MYL9: variants seen among roughly 807,000 people sequenced by gnomAD.
MYL9 encodes the protein myosin regulatory light polypeptide 9.
In MYL9, 7 loss-of-function variants were observed where a neutral mutation model predicts 12.8. That is an observed-to-expected ratio of 0.55 (90% CI 0.31 to 1.03). The LOEUF (loss-of-function observed/expected upper bound fraction) is 1.03. Ranked by LOEUF, MYL9 falls within the 50% of genes least tolerant of loss-of-function variation. MYL9 has a pLI of 0.05. For synonymous variants in MYL9, 81 were observed against 87.8 expected (o/e 0.92, Z 0.43); for missense variants, 190 against 242.7 (o/e 0.78, Z 1.44).
At chr20:36,547,933 G>A (rs912642136) in intron 2 of MYL9, 99 bp from the exon 3 acceptor site, 65 of 1,358,216 alleles carry the variant, frequency 4.8e-5, no homozygotes, top group Middle Eastern at 2.6e-4. Context: ...CGTCTCACAC[G>A]GAGCGGTGAA....
intron 1 of MYL9, among the ~76,000 whole-genome samples, chr20:36,542,320 AG>A (rs5841236): frequency 6.6e-6 from 1 of 152,248 alleles, no homozygotes; most frequent in East Asian, 1.9e-4. Flanking sequence ...GCCCAGCTCC[AG>A]GGGCTGGAGG....
intron 3 of MYL9, 112 bp from the exon 4 acceptor site, chr20:36,548,965 A>G (rs1160801247): frequency 2.7e-6 from 3 of 1,111,306 alleles, no homozygotes; most frequent in Non-Finnish European, 3.8e-6. Flanking sequence ...CTAAGATTGT[A>G]TCTTCCCAGC....
At chr20:36,548,611 C>T (rs2038131759) in intron 3 of MYL9, among the ~76,000 whole-genome samples, 1 of 152,228 alleles carries the variant, frequency 6.6e-6, no homozygotes, top group South Asian at 2.1e-4. Context: ...GGCCTGACTA[C>T]CTTCACGGTC....
intron 3 of MYL9, among the ~76,000 whole-genome samples, chr20:36,548,618 G>A (rs921450633): frequency 3.3e-5 from 5 of 152,136 alleles, no homozygotes; most frequent in African/African-American, 1.2e-4. Context: ...CTACCTTCAC[G>A]GTCCCTCACT....
At chr20:36,547,787 C>T (rs1407378049) in intron 2 of MYL9, among the ~76,000 whole-genome samples, 1 of 152,224 alleles carries the variant, frequency 6.6e-6, no homozygotes, top group Non-Finnish European at 1.5e-5. Flanking sequence ...GTTCTTATTA[C>T]ACTTTAGTGA....
intron 2 of MYL9, among the ~76,000 whole-genome samples, chr20:36,546,493 G>A (rs2038101642): frequency 6.6e-6 from 1 of 152,176 alleles, no homozygotes; most frequent in African/African-American, 2.4e-5. Flanking sequence ...GCAAACCTGA[G>A]TGGGAGAACT....
intron 3 of MYL9, 142 bp downstream of exon 3, chr20:36,548,335 T>A: frequency 8.5e-7 from 1 of 1,179,672 alleles, no homozygotes; most frequent in Non-Finnish European, 1.1e-6. Flanking sequence ...GGCCACCTCC[T>A]TATTGTCGCC....
chr20:36,546,632 C>T (rs1006424013), intron 2 of MYL9, among the ~76,000 whole-genome samples: 3 of 151,806 alleles, frequency 2.0e-5, no homozygotes, highest in African/African-American at 4.8e-5. Flanking sequence ...TTTTTCCCCC[C>T]GAGACAAAAT....
At chr20:36,542,280 G>C (rs990005654) in intron 1 of MYL9, among the ~76,000 whole-genome samples, 4 of 152,192 alleles carry the variant, frequency 2.6e-5, no homozygotes, top group African/African-American at 9.7e-5. Context: ...AGACTCAGAT[G>C]AGGTGCACTG....
At chr20:36,548,308 C>A in intron 3 of MYL9, 115 bp downstream of exon 3, 1 of 1,370,476 alleles carries the variant, frequency 7.3e-7, no homozygotes, top group Non-Finnish European at 9.7e-7. Context: ...GTTCTGTCAC[C>A]AGAACTATAA....
In MYL9 at chr20:36,548,183, G is replaced by GGA; in HGVS notation, c.337_338dup (p.Ala114LysfsTer117). 1.9e-6 allele frequency: 3 copies of GGA among 1,611,016 alleles called. No individual in the cohort carries two copies. The highest frequency in any genetic ancestry group is 2.5e-6 in the Non-Finnish European group (3 of 1,177,984). On this transcript the variant is annotated frameshift_variant, in exon 3 of 4. Coordinates refer to ENST00000279022, the MANE Select transcript of MYL9 (RefSeq NM_006097.5). LOFTEE classifies it high-confidence loss of function. The stretch of plus-strand genomic sequence containing the variant: ...GCAACGCCTTTGCCTGCTTCGACGA[G>GGA]GAAGCCTCAGGTCCGTGGCGCCCCC...
In MYL9 at chr20:36,549,057, C is replaced by T. The variant is rs765334367; in HGVS notation, c.347-20C>T. On this transcript the variant is annotated intron_variant, in intron 3 of 3. Coordinates refer to ENST00000279022, the MANE Select transcript of MYL9 (RefSeq NM_006097.5). Reference sequence around the variant, plus strand: ...CTCAGCCCAAGTTCCTGCTCTCACCCACCCTGCCCCTGCCCGCAGGTTTCA... The same window carrying T: ...CTCAGCCCAAGTTCCTGCTCTCACCTACCCTGCCCCTGCCCGCAGGTTTCA... 10 of 1,608,218 alleles carry T rather than the reference C, an allele frequency of 6.2e-6. No individual in the cohort carries two copies. Among genetic ancestry groups the T allele is most frequent in the Middle Eastern group, 2.2e-4 (1 of 4,650 alleles).
intron 1 of MYL9, among the ~76,000 whole-genome samples, chr20:36,544,452 G>A (rs2038071354): frequency 1.3e-5 from 2 of 152,134 alleles, no homozygotes; most frequent in Admixed American, 1.3e-4. Context: ...AAAGAGAGAG[G>A]GACAGTGTAA....
chr20:36,542,236 T>A (rs1219031383), intron 1 of MYL9, among the ~76,000 whole-genome samples: 2 of 152,148 alleles, frequency 1.3e-5, no homozygotes, highest in East Asian at 3.9e-4. Flanking sequence ...ACCTGATCCC[T>A]GCTCTTCCCA....
At position 36,549,319 on chromosome 20, in the gene MYL9, C is replaced by A; in HGVS notation, c.*70C>A. On this transcript the variant is annotated 3_prime_UTR_variant, in exon 4 of 4. Coordinates refer to ENST00000279022, the MANE Select transcript of MYL9 (RefSeq NM_006097.5). Reference sequence around the variant, plus strand: ...CCCCGCACACACCCGTCCATACCAGCTCCCTGCCCATGACCCTCGCTCAGG... The same window carrying A: ...CCCCGCACACACCCGTCCATACCAGATCCCTGCCCATGACCCTCGCTCAGG... The A allele has an allele frequency of 1.5e-6, 2 of 1,338,772 alleles. No individual in the cohort carries two copies. Among genetic ancestry groups the A allele is most frequent in the Non-Finnish European group, 2.1e-6 (2 of 973,570 alleles). 82.9% of individuals were successfully genotyped at this position (1,338,772 alleles called of 1,614,324 possible). A position where few individuals can be genotyped will look rare whatever the true frequency, so the allele number is the denominator to read the frequency against.
chr20:36,549,360 G>A lies in MYL9; in HGVS notation c.*111G>A. The stretch of plus-strand genomic sequence containing the variant: ...CTCGCTCAGGGATCCCCCTTTGAGG[G>A]GTTAGGGTCCCAGTTCCCAGTGGAA... On this transcript the variant is annotated 3_prime_UTR_variant, in exon 4 of 4. Transcript: ENST00000279022. The A allele has an allele frequency of 5.0e-6, 5 of 999,594 alleles. No individual in the cohort carries two copies. Among genetic ancestry groups the A allele is most frequent in the Admixed American group, 2.6e-5 (1 of 39,182 alleles). The allele number at this position is 999,594 out of a possible 1,614,324, so 61.9% of individuals were successfully genotyped here. A position where few individuals can be genotyped will look rare whatever the true frequency, so the allele number is the denominator to read the frequency against.
chr20:36,548,326 G>A, intron 3 of MYL9, 133 bp downstream of exon 3: 3 of 1,239,178 alleles, frequency 2.4e-6, no homozygotes, highest in South Asian at 1.7e-5. Flanking sequence ...TAAAAGCCAG[G>A]CCACCTCCTT....
intron 1 of MYL9, among the ~76,000 whole-genome samples, chr20:36,542,380 T>C (rs1448120183): frequency 2.0e-5 from 3 of 152,140 alleles, no homozygotes; most frequent in African/African-American, 2.4e-5. Flanking sequence ...TTTTCTGTTA[T>C]GGTGGGAATC....
chr20:36,549,906 G>A lies in MYL9; in HGVS notation c.*657G>A, dbSNP rs1056944690. ...CTCCCACCTTCTCCTGCCATCTCCA[G>A]TTACTGCCCTGCTCCTCCCACCCTG... On this transcript the variant is annotated 3_prime_UTR_variant, in exon 4 of 4. Coordinates refer to ENST00000279022, the MANE Select transcript of MYL9 (RefSeq NM_006097.5). 1.3e-5 allele frequency: 2 copies of A among 152,740 alleles called. No homozygotes were observed. Among genetic ancestry groups the A allele is most frequent in the African/African-American group, 4.8e-5 (2 of 41,448 alleles). 9.5% of individuals were successfully genotyped at this position (152,740 alleles called of 1,614,324 possible). A position where few individuals can be genotyped will look rare whatever the true frequency, so the allele number is the denominator to read the frequency against.
Sources: gnomAD v4.1 joint callset for allele counts (sites outside exome capture counted in the v4.1 genomes callset) on GRCh38, gnomAD v4.1.1 for gene constraint, MANE v1.5 for transcripts, NCBI Gene and HGNC (gene_info 2026-07-23, HGNC 2026-07-21) for gene names.